The following SYT1 variants were observed in gnomAD, a reference collection of about 807,000 sequenced individuals.
SYT1 encodes synaptotagmin-1.
SYT1 carries 8 observed loss-of-function variants against 44.8 expected under a neutral mutation model. The ratio of observed to expected loss-of-function variants is 0.18; its 90% CI spans 0.10 to 0.32. The LOEUF is 0.32. Among genes scored for constraint, SYT1 ranks in the 10% least tolerant of loss-of-function variants. SYT1 has a pLI of 1.00. For missense variants in SYT1, 286 were observed against 509.3 expected, an observed-to-expected ratio of 0.56 and a Z score of 4.22; for synonymous variants, 154 against 188.8, an observed-to-expected ratio of 0.82 and a Z score of 1.51.
chr12:79,117,687 AT>A (rs1565813801), intron 3 of SYT1, among the ~76,000 whole-genome samples: 4 of 79,254 alleles, frequency 5.0e-5, no homozygotes, highest in Non-Finnish European at 7.9e-5. Flanking sequence ...ATATATATAT[AT>A]ATATATATAT....
At chr12:79,114,031 TG>T (rs1210953961) in intron 3 of SYT1, among the ~76,000 whole-genome samples, 1 of 152,174 alleles carries the variant, frequency 6.6e-6, no homozygotes, top group Non-Finnish European at 1.5e-5. Flanking sequence ...GCAGACCTCA[TG>T]GTCCTCACCT....
intron 3 of SYT1, among the ~76,000 whole-genome samples, chr12:79,181,972 A>G (rs189866458): frequency 6.6e-6 from 1 of 151,944 alleles, no homozygotes; most frequent in African/African-American, 2.4e-5. Flanking sequence ...GTTTTAATTT[A>G]TAATGTTTTA....
At chr12:79,164,677 CAA>C (rs1392231689) in intron 3 of SYT1, among the ~76,000 whole-genome samples, 21 of 151,966 alleles carry the variant, frequency 1.4e-4, no homozygotes, top group Non-Finnish European at 2.8e-4. Context: ...ATTAGTTTCT[CAA>C]GAGAGAGGCT....
intron 7 of SYT1, among the ~76,000 whole-genome samples, chr12:79,297,945 T>G (rs973077453): frequency 3.3e-5 from 5 of 152,196 alleles, no homozygotes; most frequent in Admixed American, 1.3e-4. Context: ...TTTAAGTGCT[T>G]CTTCTGTGCT....
chr12:79,130,741 C>A (rs1025174656), intron 3 of SYT1, among the ~76,000 whole-genome samples: 2 of 152,088 alleles, frequency 1.3e-5, no homozygotes, highest in African/African-American at 4.8e-5. Context: ...AAAGCTCATG[C>A]TGCTTGTTAT....
intron 3 of SYT1, among the ~76,000 whole-genome samples, chr12:79,132,693 A>C: frequency 6.6e-6 from 1 of 150,860 alleles, no homozygotes; most frequent in Middle Eastern, 3.4e-3. Flanking sequence ...AAAAAAAAAA[A>C]AAAAAAAACC....
chr12:79,276,526 A>C (rs1373013723), intron 4 of SYT1, among the ~76,000 whole-genome samples: 2 of 151,856 alleles, frequency 1.3e-5, no homozygotes, highest in Non-Finnish European at 2.9e-5. Flanking sequence ...AAATACAAAA[A>C]TTAGCTGGGC....
chr12:79,207,556 C>T (rs185835896), intron 3 of SYT1, among the ~76,000 whole-genome samples: 4 of 152,194 alleles, frequency 2.6e-5, no homozygotes, highest in Non-Finnish European at 5.9e-5. Context: ...TGTTGTTCCC[C>T]TCCCTGTGTC....
intron 9 of SYT1, among the ~76,000 whole-genome samples, chr12:79,388,952 A>AAAG (rs370282891): frequency 6.6e-6 from 1 of 152,196 alleles, no homozygotes; most frequent in African/African-American, 2.4e-5. Context: ...AATCAACTCC[A>AAAG]AAGTAACCCA....
At chr12:79,251,345 A>C (rs1432246201) in intron 4 of SYT1, among the ~76,000 whole-genome samples, 6 of 152,156 alleles carry the variant, frequency 3.9e-5, no homozygotes, top group African/African-American at 1.4e-4. Flanking sequence ...GGAAAAAAAA[A>C]ATCAATTAAA....
intron 9 of SYT1, among the ~76,000 whole-genome samples, chr12:79,430,997 T>G (rs887978298): frequency 2.0e-5 from 3 of 152,228 alleles, no homozygotes; most frequent in Non-Finnish European, 4.4e-5. Flanking sequence ...AATAAATGAA[T>G]GAATGAATTC....
intron 3 of SYT1, among the ~76,000 whole-genome samples, chr12:79,182,649 T>C (rs973708943): frequency 6.6e-6 from 1 of 152,106 alleles, no homozygotes; most frequent in Non-Finnish European, 1.5e-5. Context: ...ATTGCATCAA[T>C]AGTTTTTAAC....
chr12:78,957,113 C>T (rs1205820720), intron 1 of SYT1, among the ~76,000 whole-genome samples: 1 of 152,144 alleles, frequency 6.6e-6, no homozygotes, highest in Non-Finnish European at 1.5e-5. Flanking sequence ...CAAACATCTG[C>T]TTAGTTTTTC....
At chr12:79,410,507 A>AAAAAAAAAAAAAAAAAAAAAAC in intron 9 of SYT1, among the ~76,000 whole-genome samples, 1 of 15,248 alleles carries the variant, frequency 6.6e-5, no homozygotes, top group Non-Finnish European at 1.1e-3. Flanking sequence ...GTTCAAAGTC[A>AAAAAAAAAAAAAAAAAAAAAAC]AAAAAAAAAA....
At position 78,943,549 on chromosome 12, in the gene SYT1, T is replaced by A. The variant is rs12230786; in HGVS notation, c.-216-34250T>A. On this transcript the variant is annotated intron_variant, in intron 1 of 10. Coordinates refer to ENST00000261205, the MANE Select transcript of SYT1 (RefSeq NM_005639.3). ...TAAGAAATCTGCCCCCATGATCTAG[T>A]CATCTCCCACCAGGCCCCCTCTTTA... Among the ~76,000 whole-genome samples the A allele has an allele frequency of 1.6e-3, 237 of 152,260 alleles. 5 individuals are homozygous for A. In the East Asian group the frequency reaches 0.042, roughly 27 times the overall value.
chr12:79,193,888 G>T (rs1592841272), intron 3 of SYT1, among the ~76,000 whole-genome samples: 1 of 151,184 alleles, frequency 6.6e-6, no homozygotes, highest in Admixed American at 6.6e-5. Flanking sequence ...TTACTTCTTA[G>T]GTATTTCTAA....
At chr12:78,996,856 A>G (rs1429521998) in intron 2 of SYT1, among the ~76,000 whole-genome samples, 2 of 152,230 alleles carry the variant, frequency 1.3e-5, no homozygotes, top group East Asian at 3.8e-4. Flanking sequence ...CAGAGTTTGG[A>G]TTATTCACAG....
At chr12:79,304,700 G>A (rs1880307222) in intron 8 of SYT1, among the ~76,000 whole-genome samples, 1 of 151,974 alleles carries the variant, frequency 6.6e-6, no homozygotes. Context: ...GAGGAAAATG[G>A]GAAAGAATTA....
chr12:79,320,643 T>C (rs1390237672), intron 8 of SYT1, among the ~76,000 whole-genome samples: 9 of 150,644 alleles, frequency 6.0e-5, no homozygotes, highest in African/African-American at 2.2e-4. Context: ...TTTTTTCTTT[T>C]TCCCCTTTTT....
Sources: allele counts gnomAD v4.1 joint callset (sites outside exome capture counted in the v4.1 genomes callset), GRCh38; gene constraint gnomAD v4.1.1; transcripts MANE v1.5; gene names NCBI Gene and HGNC (gene_info 2026-07-23, HGNC 2026-07-21).